The following LRCH2 variants were observed in gnomAD, a reference collection of about 807,000 sequenced individuals.
The protein encoded by LRCH2 is leucine-rich repeat and calponin homology domain-containing protein 2.
Under a neutral mutation model 68.9 loss-of-function variants are expected in LRCH2, and 38 were observed. The observed-to-expected ratio is 0.55, with a 90% CI of 0.43 to 0.72. The LOEUF (loss-of-function observed/expected upper bound fraction) is 0.72, where lower values mean the gene tolerates loss of function less well. LRCH2 is among the 30% of genes least tolerant of loss of function. LRCH2 has a pLI of 0.00. For synonymous variants in LRCH2, 191 were observed against 208.1 expected, an observed-to-expected ratio of 0.92 and a Z score of 0.71; for missense variants, 528 against 572.9, an observed-to-expected ratio of 0.92 and a Z score of 0.80.
chrX:115,172,886 A>G (rs2072615553), intron 5 of LRCH2, among the ~76,000 whole-genome samples: 1 of 108,588 alleles, frequency 9.2e-6, no homozygotes, highest in Non-Finnish European at 1.9e-5. Flanking sequence ...TCACTTTGGT[A>G]TAGTACACCC....
At chrX:115,170,701 C>T (rs1332360599) in intron 5 of LRCH2, among the ~76,000 whole-genome samples, 1 of 111,190 alleles carries the variant, frequency 9.0e-6, no homozygotes, top group Admixed American at 9.6e-5. Flanking sequence ...GCAGAATGTA[C>T]AAACTATTAA....
At chrX:115,189,358 C>A in intron 1 of LRCH2, 1 of 1,040,347 alleles carries the variant, frequency 9.6e-7, no homozygotes, top group Non-Finnish European at 1.3e-6. Flanking sequence ...AGGAGCCGCC[C>A]TCCACGAGAG....
At chrX:115,201,366 A>G (rs191945645) in intron 1 of LRCH2, among the ~76,000 whole-genome samples, 79 of 112,244 alleles carry the variant, frequency 7.0e-4, no homozygotes, top group Non-Finnish European at 1.0e-3. Context: ...GGTTGAATAT[A>G]TGCAAATTAA....
At chrX:115,118,977 G>A (rs2072110250) in intron 20 of LRCH2, among the ~76,000 whole-genome samples, 1 of 111,567 alleles carries the variant, frequency 9.0e-6, no homozygotes, top group African/African-American at 3.3e-5. Flanking sequence ...AACCCTTCAT[G>A]CTAAAAACTC....
chrX:115,140,901 G>A (rs1170628622), intron 14 of LRCH2, among the ~76,000 whole-genome samples: 3 of 111,095 alleles, frequency 2.7e-5, no homozygotes, highest in East Asian at 5.7e-4. Flanking sequence ...TGGCTGAATA[G>A]ATGAAAAAAT....
chrX:115,148,568 TAA>T (rs1190341616), intron 14 of LRCH2, among the ~76,000 whole-genome samples: 1 of 112,189 alleles, frequency 8.9e-6, no homozygotes, highest in Non-Finnish European at 1.9e-5. Flanking sequence ...AGTCATTCAC[TAA>T]GTTTTATCTA....
At chrX:115,211,070 C>A (rs1322638025) in intron 1 of LRCH2, among the ~76,000 whole-genome samples, 1 of 111,798 alleles carries the variant, frequency 8.9e-6, no homozygotes, top group African/African-American at 3.3e-5. Context: ...GGACTGTGGA[C>A]TTTTGAGTTA....
At chrX:115,209,257 A>G (rs2072990037) in intron 1 of LRCH2, among the ~76,000 whole-genome samples, 1 of 112,433 alleles carries the variant, frequency 8.9e-6, no homozygotes, top group Non-Finnish European at 1.9e-5. Flanking sequence ...ACATACTGAT[A>G]TGGTCTGGCT....
intron 6 of LRCH2, among the ~76,000 whole-genome samples, chrX:115,167,387 T>C (rs2072572033): frequency 9.3e-6 from 1 of 107,451 alleles, no homozygotes; most frequent in Non-Finnish European, 1.9e-5. Context: ...GAAAAATGAA[T>C]GTGTTTAAAT....
chrX:115,146,102 C>T (rs2072380062), intron 14 of LRCH2, among the ~76,000 whole-genome samples: 1 of 111,963 alleles, frequency 8.9e-6, no homozygotes, highest in African/African-American at 3.2e-5. Flanking sequence ...GAGTACTATT[C>T]AGCCATAAAG....
intron 1 of LRCH2, among the ~76,000 whole-genome samples, chrX:115,193,680 T>C (rs1556562235): frequency 9.0e-6 from 1 of 111,691 alleles, no homozygotes; most frequent in Non-Finnish European, 1.9e-5. Context: ...AGAGAGTTGC[T>C]CAACCCCACC....
At chrX:115,140,694 C>T (rs782242288) in intron 14 of LRCH2, among the ~76,000 whole-genome samples, 8 of 111,244 alleles carry the variant, frequency 7.2e-5, no homozygotes, top group African/African-American at 2.6e-4. Flanking sequence ...ACATGAGCAG[C>T]GGGCTAGCAG....
chrX:115,192,690 A>G, intron 1 of LRCH2: 3 of 1,126,162 alleles, frequency 2.7e-6, no homozygotes, highest in Admixed American at 2.6e-5. Flanking sequence ...AAAGAAACAA[A>G]AAGAAGAACC....
chrX:115,182,553 G>A (rs1453762922), intron 3 of LRCH2, among the ~76,000 whole-genome samples: 2 of 111,848 alleles, frequency 1.8e-5, no homozygotes, highest in East Asian at 2.8e-4. Flanking sequence ...AGTTTGGTAC[G>A]CTGGGCGCGG....
intron 5 of LRCH2, among the ~76,000 whole-genome samples, chrX:115,171,833 C>T (rs948330095): frequency 6.4e-5 from 7 of 109,229 alleles, no homozygotes; most frequent in African/African-American, 1.3e-4. Flanking sequence ...GCACACACCA[C>T]CATGCCCGGC....
intron 14 of LRCH2, among the ~76,000 whole-genome samples, chrX:115,146,898 TACATACATACACACACACAC>T (rs1390096595): frequency 4.8e-5 from 3 of 62,970 alleles, no homozygotes; most frequent in African/African-American, 1.9e-4. Flanking sequence ...TTGGATTTCT[TACATACATACACACACACAC>T]ACACACACAC....
intron 1 of LRCH2, among the ~76,000 whole-genome samples, chrX:115,193,540 T>A (rs1285071951): frequency 8.9e-6 from 1 of 112,546 alleles, no homozygotes; most frequent in East Asian, 2.8e-4. Context: ...TCCATTCATT[T>A]AAATTTTCAC....
chrX:115,226,227 G>T (rs989566961), intron 1 of LRCH2, among the ~76,000 whole-genome samples: 1 of 111,351 alleles, frequency 9.0e-6, no homozygotes, highest in African/African-American at 3.3e-5. Context: ...CCAAAAGAAT[G>T]AACCACAGTT....
At chrX:115,170,508 G>C (rs2072596644) in intron 5 of LRCH2, 76 bp from the exon 6 acceptor site, 1 of 854,063 alleles carries the variant, frequency 1.2e-6, no homozygotes, top group East Asian at 3.9e-5. Context: ...CCATTCAATA[G>C]TCTCAAATTA....
Sources: gnomAD v4.1 joint callset for allele counts (sites outside exome capture counted in the v4.1 genomes callset) on GRCh38, gnomAD v4.1.1 for gene constraint, MANE v1.5 for transcripts, NCBI Gene and HGNC (gene_info 2026-07-23, HGNC 2026-07-21) for gene names.